HYDIN: variants seen among roughly 807,000 people sequenced by gnomAD.
HYDIN encodes axonemal central pair apparatus protein HYDIN.
A neutral mutation model predicts 403.9 loss-of-function variants in HYDIN; 132 were observed. The observed-to-expected ratio is 0.33, with a 90% confidence interval of 0.28 to 0.38. The LOEUF (loss-of-function observed/expected upper bound fraction) is 0.38. HYDIN is among the 10% of genes least tolerant of loss of function. The pLI, the probability that HYDIN is intolerant of heterozygous loss-of-function variation, is 1.00. For missense variants in HYDIN, 2,827 were observed against 5,009.5 expected (o/e 0.56, Z 13.15); for synonymous variants, 1,202 against 1,891.7 (o/e 0.64, Z 9.46).
chr16:70,943,951 T>C lies in HYDIN; in HGVS notation c.6532-2A>G, dbSNP rs2077764279. 6.3e-7 allele frequency: 1 copy of C among 1,597,406 alleles called. No homozygotes were observed. The highest frequency in any genetic ancestry group is 2.3e-5 in the East Asian group (1 of 44,066). ...CGGGGGGAGAGGGCTGGAGGAAATC[T>C]GTTGAGTGGGAGAAGGATCAGGAGT... On this transcript the variant is annotated splice_acceptor_variant, in intron 41 of 85. Transcript: ENST00000393567. LOFTEE classifies it high-confidence loss of function.
intron 5 of HYDIN, among the ~76,000 whole-genome samples, chr16:71,169,590 T>C (rs544973567): frequency 1.3e-5 from 2 of 152,314 alleles, no homozygotes. Context: ...TACTACGTGA[T>C]CTGACTTATA....
chr16:70,996,776 G>A (rs371852762), intron 23 of HYDIN, among the ~76,000 whole-genome samples: 1 of 150,578 alleles, frequency 6.6e-6, no homozygotes, highest in Admixed American at 6.6e-5. Flanking sequence ...TGGGGGAAAC[G>A]TGCCTGCAAA....
intron 1 of HYDIN, among the ~76,000 whole-genome samples, chr16:71,192,759 T>C (rs1215076458): frequency 6.6e-6 from 1 of 152,232 alleles, no homozygotes. Flanking sequence ...TTAAGTTTTT[T>C]GAGGACAGGA....
At chr16:70,963,878 A>G (rs1478793529) in intron 37 of HYDIN, among the ~76,000 whole-genome samples, 1 of 149,202 alleles carries the variant, frequency 6.7e-6, no homozygotes, top group Non-Finnish European at 1.5e-5. Flanking sequence ...CTAGTTTTAC[A>G]CATGGGGAAT....
At chr16:70,996,360 G>C (rs1381955350) in intron 23 of HYDIN, among the ~76,000 whole-genome samples, 1 of 152,178 alleles carries the variant, frequency 6.6e-6, no homozygotes, top group Admixed American at 6.5e-5. Context: ...GAGGCCAGTG[G>C]ATCAGAGTCA....
intron 6 of HYDIN, among the ~76,000 whole-genome samples, chr16:71,161,936 T>A (rs1171889504): frequency 3.4e-5 from 5 of 145,554 alleles, no homozygotes; most frequent in Non-Finnish European, 5.9e-5. Flanking sequence ...CCCAACAACC[T>A]TATGAAGTGG....
At chr16:71,223,842 A>T (rs1567473511) in intron 1 of HYDIN, among the ~76,000 whole-genome samples, 1 of 152,198 alleles carries the variant, frequency 6.6e-6, no homozygotes, top group Non-Finnish European at 1.5e-5. Context: ...GTTGGTTGGG[A>T]TGTGGTGAAA....
intron 1 of HYDIN, among the ~76,000 whole-genome samples, chr16:71,206,347 G>A (rs945579762): frequency 1.3e-5 from 2 of 152,142 alleles, no homozygotes; most frequent in African/African-American, 4.8e-5. Context: ...CAGAAGACTA[G>A]AATCGAAGCC....
intron 43 of HYDIN, among the ~76,000 whole-genome samples, chr16:70,939,414 A>G (rs1242079975): frequency 3.9e-5 from 6 of 152,210 alleles, no homozygotes; most frequent in Non-Finnish European, 8.8e-5. Flanking sequence ...TATCTTTGGA[A>G]TGAAATTTCT....
chr16:71,030,929 G>A (rs1359344185), intron 19 of HYDIN, among the ~76,000 whole-genome samples: 6 of 151,998 alleles, frequency 3.9e-5, no homozygotes, highest in East Asian at 1.9e-4. Flanking sequence ...GACCGGGCAC[G>A]GTGGCTCATG....
chr16:71,210,728 C>A (rs1335313694), intron 1 of HYDIN, among the ~76,000 whole-genome samples: 8 of 152,038 alleles, frequency 5.3e-5, no homozygotes, highest in Non-Finnish European at 1.2e-4. Context: ...TAATTTCTAT[C>A]TATAATTAGA....
intron 6 of HYDIN, chr16:71,153,012 A>G (rs1417306944): frequency 7.2e-6 from 3 of 416,514 alleles, no homozygotes; most frequent in South Asian, 2.6e-5. Flanking sequence ...ACAATGCAAC[A>G]ATATTCTTGT....
intron 9 of HYDIN, among the ~76,000 whole-genome samples, chr16:71,118,105 A>G (rs949228879): frequency 6.6e-6 from 1 of 152,174 alleles, no homozygotes; most frequent in African/African-American, 2.4e-5. Flanking sequence ...TTATATAGAC[A>G]CAGCACTTAC....
At chr16:70,995,989 T>C (rs890048103) in intron 23 of HYDIN, among the ~76,000 whole-genome samples, 1 of 150,520 alleles carries the variant, frequency 6.6e-6, no homozygotes, top group African/African-American at 2.5e-5. Flanking sequence ...TGATGGGAGA[T>C]GTCTCACTCA....
Position 70,854,794 on chromosome 16 carries a change from C to T in HYDIN, c.12443+334G>A, listed in dbSNP as rs1210584595. ...AAGTGCTGGGATTATAGGCATGAGC[C>T]ACCATGCCTGGCCTGAAAATTAAAT... On this transcript the variant is annotated intron_variant, in intron 73 of 85. Coordinates refer to ENST00000393567, the MANE Select transcript of HYDIN (RefSeq NM_001270974.2). 2.9e-5 allele frequency among the ~76,000 whole-genome samples: 4 copies of T among 137,600 alleles called. No homozygotes were observed. The East Asian group carries it at 8.4e-4, about 29-fold the overall frequency. 90.3% of individuals were successfully genotyped at this position (137,600 alleles called of 152,430 possible). A position where few individuals can be genotyped will look rare whatever the true frequency, so the allele number is the denominator to read the frequency against.
intron 12 of HYDIN, among the ~76,000 whole-genome samples, chr16:71,084,380 C>A (rs371424434): frequency 9.5e-6 from 1 of 105,728 alleles, no homozygotes; most frequent in African/African-American, 6.0e-5. Context: ...GATATTTAAC[C>A]CTATCTTTTT....
chr16:71,230,006 T>C (rs2041210808), intron 1 of HYDIN, among the ~76,000 whole-genome samples: 1 of 152,070 alleles, frequency 6.6e-6, no homozygotes, highest in African/African-American at 2.4e-5. Flanking sequence ...AAGGGGAGGT[T>C]CCCCTGCACA....
At chr16:71,185,214 T>C (rs1022643484) in intron 2 of HYDIN, among the ~76,000 whole-genome samples, 1 of 152,168 alleles carries the variant, frequency 6.6e-6, no homozygotes, top group Non-Finnish European at 1.5e-5. Flanking sequence ...ATGTGTTTGC[T>C]GTTTCCTTAT....
chr16:71,198,142 C>T lies in HYDIN; in HGVS notation c.-23-11224G>A, dbSNP rs537624491. Among the ~76,000 whole-genome samples, 92 of 152,268 alleles carry T rather than the reference C, an allele frequency of 6.0e-4. 1 individual carries two copies. In the South Asian group the frequency reaches 0.018, roughly 31 times the overall value. ...GATGAATGGAATCACATATTATGTACGTTTTGTGTCTAGATTATTTAACTC... is the reference window on the plus strand; with the variant it reads ...GATGAATGGAATCACATATTATGTATGTTTTGTGTCTAGATTATTTAACTC... On this transcript the variant is annotated intron_variant, in intron 1 of 85. Transcript: ENST00000393567.
Sources: gnomAD v4.1 joint callset for allele counts (sites outside exome capture counted in the v4.1 genomes callset) on GRCh38, gnomAD v4.1.1 for gene constraint, MANE v1.5 for transcripts, NCBI Gene and HGNC (gene_info 2026-07-23, HGNC 2026-07-21) for gene names.